The following ANKRD55 variants were observed in gnomAD, a reference collection of about 807,000 sequenced individuals.
The protein encoded by ANKRD55 is ankyrin repeat domain-containing protein 55.
In ANKRD55, 41 loss-of-function variants were observed where a neutral mutation model predicts 60.6. The observed-to-expected ratio is 0.68, with a 90% confidence interval of 0.53 to 0.88. ANKRD55 has a LOEUF of 0.88. Among genes scored for constraint, ANKRD55 ranks in the 40% least tolerant of loss-of-function variants. ANKRD55 has a pLI of 0.00. For synonymous variants in ANKRD55, 264 were observed against 290.3 expected, an observed-to-expected ratio of 0.91 and a Z score of 0.92; for missense variants, 732 against 767.6, an observed-to-expected ratio of 0.95 and a Z score of 0.55.
At chr5:56,158,111 G>A (rs1259715927) in intron 6 of ANKRD55, among the ~76,000 whole-genome samples, 4 of 152,050 alleles carry the variant, frequency 2.6e-5, no homozygotes, top group Non-Finnish European at 5.9e-5. Flanking sequence ...AATCTGGGAG[G>A]CGGAGGCTGT....
intron 2 of ANKRD55, among the ~76,000 whole-genome samples, chr5:56,218,717 T>C (rs1278825876): frequency 1.3e-5 from 2 of 152,124 alleles, no homozygotes; most frequent in East Asian, 1.9e-4. Context: ...CCCCAAGGTA[T>C]ACCTGTATTA....
At chr5:56,225,425 A>G (rs1364700998) in intron 2 of ANKRD55, among the ~76,000 whole-genome samples, 1 of 152,226 alleles carries the variant, frequency 6.6e-6, no homozygotes, top group African/African-American at 2.4e-5. Flanking sequence ...AACTGTTACA[A>G]GACAGGGATG....
intron 2 of ANKRD55, among the ~76,000 whole-genome samples, chr5:56,223,676 G>T (rs1760029170): frequency 6.6e-6 from 1 of 152,254 alleles, no homozygotes; most frequent in East Asian, 1.9e-4. Flanking sequence ...ACAAAAAAAG[G>T]CAGGGGTTGC....
At chr5:56,141,745 G>C (rs1373891729) in intron 7 of ANKRD55, among the ~76,000 whole-genome samples, 1 of 152,124 alleles carries the variant, frequency 6.6e-6, no homozygotes, top group African/African-American at 2.4e-5. Context: ...ATAAAAAAAA[G>C]AGAAAGAATA....
chr5:56,223,494 C>T (rs1220707939), intron 2 of ANKRD55, among the ~76,000 whole-genome samples: 1 of 152,178 alleles, frequency 6.6e-6, no homozygotes, highest in Non-Finnish European at 1.5e-5. Flanking sequence ...ATCAAATTCA[C>T]ACATAACAAT....
At chr5:56,155,388 A>G (rs1758166346) in intron 6 of ANKRD55, among the ~76,000 whole-genome samples, 1 of 152,224 alleles carries the variant, frequency 6.6e-6, no homozygotes, top group Admixed American at 6.5e-5. Flanking sequence ...ACAACAGAGA[A>G]AAAACTGATT....
chr5:56,127,141 C>T (rs1282155402), intron 7 of ANKRD55, 35 bp from the exon 8 acceptor site: 2 of 1,551,214 alleles, frequency 1.3e-6, no homozygotes, highest in African/African-American at 2.8e-5. Flanking sequence ...CCATTATGTA[C>T]AATCCAGTGT....
In ANKRD55 at chr5:56,195,242, G is replaced by A. The variant is rs920339821; in HGVS notation, c.59-11608C>T. Among the ~76,000 whole-genome samples the A allele has an allele frequency of 7.2e-5, 11 of 152,132 alleles. 1 individual carries two copies. The highest frequency in any genetic ancestry group is 6.5e-4 in the Admixed American group (10 of 15,282). ...TCACAAATGTTTCATTCTATTTTTAGTGACTCTGTTTAAAGACTTTCTGAA... is the reference window on the plus strand; with the variant it reads ...TCACAAATGTTTCATTCTATTTTTAATGACTCTGTTTAAAGACTTTCTGAA... On this transcript the variant is annotated intron_variant, in intron 2 of 11. Transcript: ENST00000341048.
intron 9 of ANKRD55, among the ~76,000 whole-genome samples, chr5:56,113,534 C>T (rs1343191236): frequency 2.0e-5 from 3 of 152,078 alleles, no homozygotes; most frequent in Admixed American, 1.3e-4. Flanking sequence ...TTGTTTGAGT[C>T]GCGGGCTGAA....
chr5:56,130,900 G>C (rs1310090508), intron 7 of ANKRD55, among the ~76,000 whole-genome samples: 1 of 152,122 alleles, frequency 6.6e-6, no homozygotes, highest in South Asian at 2.1e-4. Context: ...GAGTCTCTGC[G>C]CTTGAGAAGA....
chr5:56,135,151 A>G (rs764295639), intron 7 of ANKRD55, among the ~76,000 whole-genome samples: 7 of 152,136 alleles, frequency 4.6e-5, no homozygotes, highest in Non-Finnish European at 7.3e-5. Flanking sequence ...TCATACTTCA[A>G]GGTGAAAAAT....
intron 10 of ANKRD55, among the ~76,000 whole-genome samples, chr5:56,108,029 CTG>C (rs923979339): frequency 2.0e-5 from 3 of 152,006 alleles, no homozygotes; most frequent in African/African-American, 4.8e-5. Context: ...ACCACTACTC[CTG>C]GCTAATTTTT....
intron 2 of ANKRD55, among the ~76,000 whole-genome samples, chr5:56,227,860 G>T (rs1411177542): frequency 6.6e-6 from 1 of 152,114 alleles, no homozygotes; most frequent in Non-Finnish European, 1.5e-5. Flanking sequence ...ACAGAGCCTG[G>T]ATCTGCTAAA....
chr5:56,187,100 C>G (rs1392196795), intron 2 of ANKRD55, among the ~76,000 whole-genome samples: 1 of 152,148 alleles, frequency 6.6e-6, no homozygotes, highest in Non-Finnish European at 1.5e-5. Flanking sequence ...AATTATGATC[C>G]CCAAAATATC....
At chr5:56,127,430 C>T (rs1757300964) in intron 7 of ANKRD55, 5 of 984,788 alleles carry the variant, frequency 5.1e-6, no homozygotes, top group Middle Eastern at 5.2e-4. Flanking sequence ...ATCGGTGGGC[C>T]ACCTAGACAA....
intron 6 of ANKRD55, among the ~76,000 whole-genome samples, chr5:56,159,244 C>A (rs1289566677): frequency 1.3e-5 from 2 of 152,146 alleles, no homozygotes; most frequent in African/African-American, 2.4e-5. Context: ...GGCAGATCAC[C>A]TGAGGTCGCG....
At chr5:56,212,204 C>T (rs1759691925) in intron 2 of ANKRD55, among the ~76,000 whole-genome samples, 2 of 151,992 alleles carry the variant, frequency 1.3e-5, no homozygotes, top group African/African-American at 4.8e-5. Context: ...TGGCCAAATA[C>T]AGTTTATTCT....
In ANKRD55 at chr5:56,232,891, T is replaced by A. The variant is rs1386005065; in HGVS notation, c.23A>T (p.Asp8Val). 1.9e-6 allele frequency: 3 copies of A among 1,613,934 alleles called. No individual in the cohort carries two copies. The African/African-American group carries it at 4.0e-5, about 22-fold the overall frequency. ...ATCAAACACAGAAGGGGTGCTGAAA[T>A]CCATGGTAGCCTGTCTCATCATTTA... MMRQATM[D>V]FSTPSVFDQQ... Residue 8 changes from aspartate to valine, a missense_variant, in exon 2 of 12, where the codon GAT becomes GTT. Asp to Val is a radical substitution (Grantham distance 152). Coordinates refer to ENST00000341048, the MANE Select transcript of ANKRD55 (RefSeq NM_024669.3).
At position 56,111,190 on chromosome 5, in the gene ANKRD55, G is replaced by GCAAT. The variant is rs748418240; in HGVS notation, c.1554_1557dup (p.Leu520IlefsTer22). On this transcript the variant is annotated frameshift_variant, in exon 10 of 12. Coordinates refer to ENST00000341048, the MANE Select transcript of ANKRD55 (RefSeq NM_024669.3). LOFTEE classifies it high-confidence loss of function. The stretch of plus-strand genomic sequence containing the variant: ...TCTTGGTGACCAGGCCGGACACTGA[G>GCAAT]CAATCTGTCCAGCAGCTTATCAGAA... 1 of 1,614,214 alleles carries GCAAT rather than the reference G, an allele frequency of 6.2e-7. No homozygotes were observed. The highest frequency in any genetic ancestry group is 8.5e-7 in the Non-Finnish European group (1 of 1,180,040).
Sources: gnomAD v4.1 joint callset for allele counts (sites outside exome capture counted in the v4.1 genomes callset) on GRCh38, gnomAD v4.1.1 for gene constraint, MANE v1.5 for transcripts, NCBI Gene and HGNC (gene_info 2026-07-23, HGNC 2026-07-21) for gene names.